CNOT4: variants seen among roughly 807,000 people sequenced by gnomAD.
The protein encoded by CNOT4 is CCR4-associated factor 4.
CNOT4 carries 8 observed loss-of-function variants against 73.8 expected under a neutral mutation model. The ratio of observed to expected loss-of-function variants is 0.11; its 90% CI spans 0.06 to 0.20. CNOT4 has a LOEUF of 0.20. CNOT4 is among the 10% of genes least tolerant of loss of function. The probability of loss-of-function intolerance (pLI) is 1.00; values close to 1 mark genes in which losing one functional copy is unlikely to be tolerated. For missense variants in CNOT4, 564 were observed against 883.4 expected, an observed-to-expected ratio of 0.64 and a Z score of 4.58; for synonymous variants, 293 against 321.1, an observed-to-expected ratio of 0.91 and a Z score of 0.94.
intron 10 of CNOT4, among the ~76,000 whole-genome samples, chr7:135,382,205 A>G (rs1288057067): frequency 6.6e-6 from 1 of 152,214 alleles, no homozygotes; most frequent in African/African-American, 2.4e-5. Flanking sequence ...AAACCCAGAG[A>G]AGACTCTCTA....
intron 10 of CNOT4, among the ~76,000 whole-genome samples, chr7:135,374,318 A>T (rs561695551): frequency 6.6e-6 from 1 of 152,166 alleles, no homozygotes; most frequent in Non-Finnish European, 1.5e-5. Context: ...TATTCTTTGG[A>T]TAGGCTTCCT....
At chr7:135,408,027 G>C (rs1797392858) in intron 7 of CNOT4, among the ~76,000 whole-genome samples, 1 of 152,116 alleles carries the variant, frequency 6.6e-6, no homozygotes, top group Non-Finnish European at 1.5e-5. Context: ...AAGTTAAAAT[G>C]AGACAGCTTT....
intron 2 of CNOT4, among the ~76,000 whole-genome samples, chr7:135,435,298 G>A (rs1799086066): frequency 1.3e-5 from 2 of 152,016 alleles, no homozygotes; most frequent in Non-Finnish European, 2.9e-5. Context: ...TTCATTTTTA[G>A]TTCACTCCTC....
chr7:135,387,747 A>G, intron 10 of CNOT4: 1 of 979,652 alleles, frequency 1.0e-6, no homozygotes, highest in Non-Finnish European at 1.2e-6. Flanking sequence ...AAACTATTTC[A>G]AGAAATGTGT....
intron 2 of CNOT4, among the ~76,000 whole-genome samples, chr7:135,428,623 G>A (rs1274586704): frequency 6.6e-6 from 1 of 151,830 alleles, no homozygotes; most frequent in East Asian, 1.9e-4. Context: ...CAAACTATTC[G>A]CACATGAGGA....
chr7:135,442,181 T>C (rs1281954479), intron 1 of CNOT4, among the ~76,000 whole-genome samples: 2 of 152,236 alleles, frequency 1.3e-5, no homozygotes, highest in Admixed American at 1.3e-4. Context: ...AAATGTATTA[T>C]AGTACCCCTC....
chr7:135,395,535 G>A (rs964690924), intron 9 of CNOT4, 99 bp downstream of exon 9: 1 of 1,327,840 alleles, frequency 7.5e-7, no homozygotes, highest in Non-Finnish European at 1.0e-6. Flanking sequence ...AGAACAGAGA[G>A]GCAAAAGATA....
At chr7:135,441,521 G>A (rs796734334) in intron 1 of CNOT4, among the ~76,000 whole-genome samples, 1 of 151,990 alleles carries the variant, frequency 6.6e-6, no homozygotes, top group African/African-American at 2.4e-5. Flanking sequence ...TCCCAAAACT[G>A]TACCTGTAGA....
Position 135,362,502 on chromosome 7 carries a change from A to C in CNOT4, c.*383T>G. On this transcript the variant is annotated 3_prime_UTR_variant, in exon 12 of 12. Coordinates refer to ENST00000541284, the MANE Select transcript of CNOT4 (RefSeq NM_001190850.2). ...TGGTTTTCAAACTTCTGCAGTTGATAATGCATTTACTTGAGCTTTCCTATA... is the reference window on the plus strand; with the variant it reads ...TGGTTTTCAAACTTCTGCAGTTGATCATGCATTTACTTGAGCTTTCCTATA... 2 of 339,674 alleles carry C rather than the reference A, an allele frequency of 5.9e-6. No individual in the cohort carries two copies. Among genetic ancestry groups the C allele is most frequent in the East Asian group, 7.6e-5 (1 of 13,088 alleles). 21.0% of individuals were successfully genotyped at this position (339,674 alleles called of 1,614,324 possible).
In CNOT4 at chr7:135,414,234, T is replaced by C. The variant is rs1044385403; in HGVS notation, c.561+97A>G. 37 of 590,046 alleles carry C rather than the reference T, an allele frequency of 6.3e-5. No homozygotes were observed. The Admixed American group carries it at 9.8e-4, about 16-fold the overall frequency. 36.6% of individuals were successfully genotyped at this position (590,046 alleles called of 1,614,324 possible). A position where few individuals can be genotyped will look rare whatever the true frequency, so the allele number is the denominator to read the frequency against. ...TAAGACAGACTCTTCAAATTAACTG[T>C]CAAATTTAATATATAAATGCTCAGT... is the stretch of plus-strand genomic sequence containing the variant. On this transcript the variant is annotated intron_variant, in intron 5 of 11. Coordinates refer to ENST00000541284, the MANE Select transcript of CNOT4 (RefSeq NM_001190850.2).
intron 1 of CNOT4, among the ~76,000 whole-genome samples, chr7:135,493,250 T>C (rs1427817389): frequency 6.6e-6 from 1 of 152,052 alleles, no homozygotes; most frequent in East Asian, 1.9e-4. Context: ...AGGCTAGCCT[T>C]GAACTGAGCT....
At chr7:135,432,293 T>C (rs960016927) in intron 2 of CNOT4, among the ~76,000 whole-genome samples, 50 of 152,080 alleles carry the variant, frequency 3.3e-4, no homozygotes, top group African/African-American at 1.2e-3. Flanking sequence ...AATATCAGCA[T>C]AGGAAAAAAA....
chr7:135,508,259 T>A (rs1804500598), intron 1 of CNOT4, among the ~76,000 whole-genome samples: 1 of 152,242 alleles, frequency 6.6e-6, no homozygotes, highest in South Asian at 2.1e-4. Flanking sequence ...TATCTCACAG[T>A]GGTCTGATTA....
rs756127138 is a variant in CNOT4, at chr7:135,364,108, T to C, written c.1628-42A>G. ...CAAAAAAATGAAAGATAAAAAAAAA[T>C]AAAAAGCTACGTTAGAAACATATGT... On this transcript the variant is annotated intron_variant, in intron 10 of 11. Transcript: ENST00000541284. This position sits in a 1 kb window ranked among gnomAD's most constrained non-coding sequence, Gnocchi z 4.3. 1 of 1,406,390 alleles carries C rather than the reference T, an allele frequency of 7.1e-7. No homozygotes were observed. The highest frequency in any genetic ancestry group is 9.8e-7 in the Non-Finnish European group (1 of 1,022,914). The allele number at this position is 1,406,390 out of a possible 1,614,324, so 87.1% of individuals were successfully genotyped here. A position where few individuals can be genotyped will look rare whatever the true frequency, so the allele number is the denominator to read the frequency against.
At chr7:135,483,652 C>T (rs1374714180) in intron 1 of CNOT4, among the ~76,000 whole-genome samples, 1 of 151,946 alleles carries the variant, frequency 6.6e-6, no homozygotes, top group Non-Finnish European at 1.5e-5. Flanking sequence ...GAGGAAACCC[C>T]GTCTCTACAA....
chr7:135,461,660 C>T (rs1318498649), intron 1 of CNOT4, among the ~76,000 whole-genome samples: 1 of 151,980 alleles, frequency 6.6e-6, no homozygotes, highest in Non-Finnish European at 1.5e-5. Context: ...GGCAAAACCC[C>T]GTCTCTACTA....
At chr7:135,370,122 T>C (rs1008848195) in intron 10 of CNOT4, among the ~76,000 whole-genome samples, 21 of 152,230 alleles carry the variant, frequency 1.4e-4, no homozygotes, top group African/African-American at 5.1e-4. Flanking sequence ...TACAACTATG[T>C]TTATTATAAT....
chr7:135,395,065 A>G (rs941693586), intron 9 of CNOT4, among the ~76,000 whole-genome samples: 2 of 152,102 alleles, frequency 1.3e-5, no homozygotes, highest in African/African-American at 4.8e-5. Flanking sequence ...ACACAAATCT[A>G]ATTAAATAAA....
intron 10 of CNOT4, among the ~76,000 whole-genome samples, chr7:135,370,879 T>C (rs1225183397): frequency 6.6e-6 from 1 of 152,212 alleles, no homozygotes; most frequent in East Asian, 1.9e-4. Context: ...TAAGATGATA[T>C]GTTTTTAATA....
Sources: gnomAD v4.1 joint callset for allele counts (sites outside exome capture counted in the v4.1 genomes callset) on GRCh38, gnomAD v4.1.1 for gene constraint, Gnocchi (gnomAD v3.1) non-coding constraint, MANE v1.5 for transcripts, NCBI Gene and HGNC (gene_info 2026-07-23, HGNC 2026-07-21) for gene names.